The following SERPINF1 variants were observed in gnomAD, a reference collection of about 807,000 sequenced individuals.
SERPINF1 encodes serpin family F member 1.
A neutral mutation model predicts 37.3 loss-of-function variants in SERPINF1; 29 were observed. That is an observed-to-expected ratio of 0.78 (90% CI 0.58 to 1.06). The LOEUF is 1.06. SERPINF1 is among the 50% of genes least tolerant of loss of function. The probability of loss-of-function intolerance (pLI) is 0.00; values close to 1 mark genes in which losing one functional copy is unlikely to be tolerated. For missense variants in SERPINF1, 553 were observed against 532.2 expected, an observed-to-expected ratio of 1.04 and a Z score of -0.38; for synonymous variants, 281 against 227.9, an observed-to-expected ratio of 1.23 and a Z score of -2.10.
At position 1,774,795 on chromosome 17, in the gene SERPINF1, C is replaced by T. The variant is rs140802249; in HGVS notation, c.644-263C>T. Among the ~76,000 whole-genome samples the T allele has an allele frequency of 3.9e-3, 600 of 152,258 alleles. 3 individuals are homozygous for T. Among genetic ancestry groups the T allele is most frequent in the African/African-American group, 0.014 (583 of 41,554 alleles). The stretch of plus-strand genomic sequence containing the variant: ...ACTTTTCCTGCAGGCTATCACAGAA[C>T]GTGTACAATCTAGACTCTAATCAAC... On this transcript the variant is annotated intron_variant, in intron 5 of 7. Transcript: ENST00000254722.
chr17:1,763,296 A>G (rs113594888), intron 1 of SERPINF1, among the ~76,000 whole-genome samples: 1 of 152,158 alleles, frequency 6.6e-6, no homozygotes, highest in Admixed American at 6.5e-5. Context: ...AAACACATGT[A>G]TTGGCTTGAG....
At chr17:1,773,650 A>G (rs1242765072) in intron 5 of SERPINF1, among the ~76,000 whole-genome samples, 5 of 152,228 alleles carry the variant, frequency 3.3e-5, no homozygotes, top group Non-Finnish European at 7.3e-5. Flanking sequence ...TAACGTGAGG[A>G]TAATATATCT....
intron 3 of SERPINF1, chr17:1,770,724 T>C (rs1317752574): frequency 2.7e-6 from 1 of 368,272 alleles, no homozygotes; most frequent in Non-Finnish European, 5.2e-6. Context: ...CCTCCCAAAG[T>C]GCTGGGATTA....
At chr17:1,770,963 T>C (rs2151208153) in intron 3 of SERPINF1, 66 bp from the exon 4 acceptor site, 9 of 1,601,264 alleles carry the variant, frequency 5.6e-6, no homozygotes, top group South Asian at 2.2e-5. Context: ...GTCTGTGTTC[T>C]GGGAGGGGGC....
At chr17:1,767,314 G>A (rs561742066) in intron 2 of SERPINF1, among the ~76,000 whole-genome samples, 1 of 152,282 alleles carries the variant, frequency 6.6e-6, no homozygotes, top group East Asian at 1.9e-4. Flanking sequence ...GGCTCATTTT[G>A]TATTTTTAGT....
At chr17:1,768,227 C>T (rs1013727305) in intron 2 of SERPINF1, among the ~76,000 whole-genome samples, 5 of 151,768 alleles carry the variant, frequency 3.3e-5, no homozygotes, top group Non-Finnish European at 5.9e-5. Flanking sequence ...GTCAGGAGAT[C>T]GAGACCATCC....
intron 2 of SERPINF1, chr17:1,769,616 T>A: frequency 3.5e-6 from 2 of 574,978 alleles, no homozygotes; most frequent in East Asian, 3.0e-5. Context: ...ACAGTAAGAC[T>A]CTGTCTCAAA....
intron 4 of SERPINF1, chr17:1,771,620 A>C (rs1907741041): frequency 7.4e-6 from 4 of 541,218 alleles, no homozygotes; most frequent in Middle Eastern, 5.1e-4. Context: ...AAAGAGGCTC[A>C]GAAAGAGGAA....
chr17:1,763,223 C>T (rs1907189653), intron 1 of SERPINF1, among the ~76,000 whole-genome samples: 1 of 152,140 alleles, frequency 6.6e-6, no homozygotes, highest in Non-Finnish European at 1.5e-5. Flanking sequence ...GAAGGCTGTG[C>T]GGTTCTGGGA....
At chr17:1,764,461 A>G (rs1402241630) in intron 1 of SERPINF1, among the ~76,000 whole-genome samples, 2 of 152,216 alleles carry the variant, frequency 1.3e-5, no homozygotes, top group East Asian at 1.9e-4. Flanking sequence ...TGTCTACACG[A>G]AAGTTTTCTC....
intron 6 of SERPINF1, 106 bp downstream of exon 6, chr17:1,775,306 C>CAT: frequency 8.6e-7 from 1 of 1,165,106 alleles, no homozygotes; most frequent in South Asian, 1.4e-5. Flanking sequence ...CAGCTGTCTA[C>CAT]ATGTCGCCTG....
At chr17:1,770,751 C>T (rs1235046745) in intron 3 of SERPINF1, 21 of 412,462 alleles carry the variant, frequency 5.1e-5, no homozygotes, top group Admixed American at 4.6e-4. Context: ...TGAGCCACCG[C>T]GCCTGGCCAG....
In SERPINF1 at chr17:1,770,109, G is replaced by T. The variant is rs374414258; in HGVS notation, c.283+59G>T. Reference sequence around the variant, plus strand: ...CCTGGAGAGGCCCCCTGTGGCCTCTGCGTAAACGTGGCTGAGTTTATTGAC... The same window carrying T: ...CCTGGAGAGGCCCCCTGTGGCCTCTTCGTAAACGTGGCTGAGTTTATTGAC... On this transcript the variant is annotated intron_variant, in intron 3 of 7. Transcript: ENST00000254722. 2.4e-5 allele frequency: 38 copies of T among 1,569,054 alleles called. No individual in the cohort carries two copies. In the East Asian group the frequency reaches 7.2e-4, roughly 30 times the overall value.
Position 1,771,943 on chromosome 17 carries a change from G to C in SERPINF1, c.511G>C (p.Gly171Arg), listed in dbSNP as rs1261254257. Reference sequence around the variant, plus strand: ...TGGGACCAGGCCCAGAGTCCTGACGGGCAACCCTCGCTTGGACCTGCAAGA... The same window carrying C: ...TGGGACCAGGCCCAGAGTCCTGACGCGCAACCCTCGCTTGGACCTGCAAGA... ...SYGTRPRVLT[G>R]NPRLDLQEIN... The change falls in exon 5 of 8, where the codon GGC becomes CGC. Residue 171 changes from glycine to arginine, a missense_variant. Coordinates refer to ENST00000254722, the MANE Select transcript of SERPINF1 (RefSeq NM_002615.7). 1 of 1,614,004 alleles carries C rather than the reference G, an allele frequency of 6.2e-7. No homozygotes were observed. Among genetic ancestry groups the C allele is most frequent in the Admixed American group, 1.7e-5 (1 of 59,998 alleles).
intron 5 of SERPINF1, 37 bp downstream of exon 5, chr17:1,772,112 T>C (rs1907782769): frequency 6.3e-7 from 1 of 1,591,650 alleles, no homozygotes; most frequent in Non-Finnish European, 8.6e-7. Context: ...TTTATTTTAC[T>C]GTATTTTAAC....
rs771804489 is a variant in SERPINF1 at position 1,771,158 on chromosome 17, G to A, written c.413G>A (p.Ser138Asn). 1.9e-6 allele frequency: 3 copies of A among 1,613,964 alleles called. No individual in the cohort carries two copies. Residue 138 changes from serine to asparagine, a missense_variant, in exon 4 of 8, where the codon AGT becomes AAT. Ser to Asn is a conservative substitution (Grantham distance 46, BLOSUM62 1). Transcript: ENST00000254722. ...TVTAPQKNLKSASRIVFEKKL... is the reference protein window; with the variant it reads ...TVTAPQKNLKNASRIVFEKKL... ...ACTGCCCCCCAGAAGAACCTCAAGA[G>A]TGCCTCCCGGATCGTCTTTGAGAAG...
chr17:1,777,110 T>A, intron 7 of SERPINF1, 77 bp from the exon 8 acceptor site: 1 of 1,610,096 alleles, frequency 6.2e-7, no homozygotes, highest in Non-Finnish European at 8.5e-7. Context: ...CCATCCCAGC[T>A]TGCTTGCAAA....
intron 1 of SERPINF1, among the ~76,000 whole-genome samples, chr17:1,765,004 C>G (rs1443747846): frequency 6.7e-6 from 1 of 149,872 alleles, no homozygotes; most frequent in Non-Finnish European, 1.5e-5. Context: ...CCACCACACC[C>G]GGCTAATTTT....
chr17:1,772,016 C>T lies in SERPINF1; in HGVS notation c.584C>T (p.Ser195Phe). Residue 195 changes from serine to phenylalanine, a missense_variant, in exon 5 of 8, where the codon TCC becomes TTC. Coordinates refer to ENST00000254722, the MANE Select transcript of SERPINF1 (RefSeq NM_002615.7). Reference sequence around the variant, plus strand: ...CAGATGAAAGGGAAGCTCGCCAGGTCCACAAAGGAAATTCCCGATGAGATC... The same window carrying T: ...CAGATGAAAGGGAAGCTCGCCAGGTTCACAAAGGAAATTCCCGATGAGATC... ...QAQMKGKLARSTKEIPDEISI... is the reference protein window; with the variant it reads ...QAQMKGKLARFTKEIPDEISI... 6.2e-7 allele frequency: 1 copy of T among 1,613,912 alleles called. No homozygotes were observed. Among genetic ancestry groups the T allele is most frequent in the South Asian group, 1.1e-5 (1 of 91,060 alleles).
Sources: gnomAD v4.1 joint callset for allele counts (sites outside exome capture counted in the v4.1 genomes callset) on GRCh38, gnomAD v4.1.1 for gene constraint, MANE v1.5 for transcripts, NCBI Gene and HGNC (gene_info 2026-07-23, HGNC 2026-07-21) for gene names.